Variants in SULF2 observed in about 807,000 individuals in gnomAD.
SULF2 encodes the protein sulfatase 2.
A neutral mutation model predicts 107.7 loss-of-function variants in SULF2; 52 were observed. The ratio of observed to expected loss-of-function variants is 0.48; its 90% confidence interval spans 0.39 to 0.61. The LOEUF is 0.61. Among genes scored for constraint, SULF2 ranks in the 20% least tolerant of loss-of-function variants. The pLI is 0.00. For missense variants in SULF2, 993 were observed against 1,177.3 expected (o/e 0.84, Z 2.29); for synonymous variants, 460 against 464.3 (o/e 0.99, Z 0.12).
chr20:47,696,714 C>G (rs1181784428), intron 4 of SULF2, among the ~76,000 whole-genome samples: 1 of 152,098 alleles, frequency 6.6e-6, no homozygotes, highest in Non-Finnish European at 1.5e-5. Flanking sequence ...TGCCCTTATA[C>G]AAGGTGGTCC....
chr20:47,765,356 A>C (rs112602595), intron 1 of SULF2, among the ~76,000 whole-genome samples: 3,952 of 133,536 alleles, frequency 0.03, 152 homozygotes, highest in African/African-American at 0.1. Flanking sequence ...TGCCTTAAAA[A>C]AAAACAAAAC....
At position 47,736,778 on chromosome 20, in the gene SULF2, A is replaced by T; in HGVS notation, c.340T>A (p.Ser114Thr). The change falls in exon 3 of 21, where the codon TCC becomes ACC. Residue 114 changes from serine to threonine, a missense_variant. By Grantham distance (58) the Ser-to-Thr change is moderately conservative. Coordinates refer to ENST00000688720, the MANE Select transcript of SULF2 (RefSeq NM_001387048.1). ...HNTYTNNENCSSPSWQAQHES... is the reference protein window; with the variant it reads ...HNTYTNNENCTSPSWQAQHES... Reference sequence around the variant, plus strand: ...TGCTGTGCCTGCCAGGAGGGCGAGGAGCAGTTCTCATTGTTGGTGTAGGTG... The same window carrying T: ...TGCTGTGCCTGCCAGGAGGGCGAGGTGCAGTTCTCATTGTTGGTGTAGGTG... 1 of 1,614,168 alleles carries T rather than the reference A, an allele frequency of 6.2e-7. No individual in the cohort carries two copies. Among genetic ancestry groups the T allele is most frequent in the Non-Finnish European group, 8.5e-7 (1 of 1,180,030 alleles).
chr20:47,675,986 G>A (rs994785508), intron 10 of SULF2, among the ~76,000 whole-genome samples: 4 of 152,152 alleles, frequency 2.6e-5, no homozygotes, highest in African/African-American at 9.7e-5. Flanking sequence ...TCCCGCCTCA[G>A]CTCTGGAGTA....
intron 1 of SULF2, among the ~76,000 whole-genome samples, chr20:47,767,219 G>T (rs2090544630): frequency 6.6e-6 from 1 of 152,202 alleles, no homozygotes; most frequent in South Asian, 2.1e-4. Context: ...CCTACAGAGT[G>T]GATGGTTTAA....
Position 47,745,434 on chromosome 20 carries a change from T to A in SULF2, c.176-8492A>T, listed in dbSNP as rs1202879955. Among the ~76,000 whole-genome samples, 5 of 9,174 alleles carry A rather than the reference T, an allele frequency of 5.5e-4. 1 individual carries two copies. The highest frequency in any genetic ancestry group is 5.2e-3 in the Admixed American group (3 of 574). 6.0% of individuals were successfully genotyped at this position (9,174 alleles called of 152,430 possible). A position where few individuals can be genotyped will look rare whatever the true frequency, so the allele number is the denominator to read the frequency against. ...AAATATATATATATATATATATATA[T>A]ATATATATATATATATATATATACA... On this transcript the variant is annotated intron_variant, in intron 2 of 20. Transcript: ENST00000688720.
chr20:47,692,082 AG>A (rs2088215874), intron 4 of SULF2, among the ~76,000 whole-genome samples: 1 of 152,192 alleles, frequency 6.6e-6, no homozygotes, highest in African/African-American at 2.4e-5. Flanking sequence ...TCCTGAATTT[AG>A]TAAATATTTA....
At chr20:47,661,111 G>A (rs1264787488) in intron 18 of SULF2, among the ~76,000 whole-genome samples, 1 of 151,942 alleles carries the variant, frequency 6.6e-6, no homozygotes, top group East Asian at 1.9e-4. Context: ...AAACTCTACC[G>A]TGGCCTAGGA....
At position 47,702,583 on chromosome 20, in the gene SULF2, C is replaced by G; in HGVS notation, c.503G>C (p.Arg168Pro). ...KEWVGLLKNSRFYNYTLCRNG... is the reference protein window; with the variant it reads ...KEWVGLLKNSPFYNYTLCRNG... Reference sequence around the variant, plus strand: ...CCGACACAGCGTGTAGTTATAAAAGCGGGAGTTTTTAAGGAGTCCGACCCA... The same window carrying G: ...CCGACACAGCGTGTAGTTATAAAAGGGGGAGTTTTTAAGGAGTCCGACCCA... Residue 168 changes from arginine to proline, a missense_variant, in exon 4 of 21, where the codon CGC (arginine) becomes CCC (proline). Arg to Pro is a moderately radical substitution (Grantham distance 103). This residue lies in a region of SULF2 where 388 missense variants were observed against 449.2 expected (regional missense o/e 0.86). Coordinates refer to ENST00000688720, the MANE Select transcript of SULF2 (RefSeq NM_001387048.1). 6.2e-7 allele frequency: 1 copy of G among 1,613,562 alleles called. No individual in the cohort carries two copies. Among genetic ancestry groups the G allele is most frequent in the Non-Finnish European group, 8.5e-7 (1 of 1,180,028 alleles).
rs530413346 is a variant in SULF2, at chr20:47,774,474, G to T, written c.-101+10869C>A. Among the ~76,000 whole-genome samples, 7 of 152,272 alleles carry T rather than the reference G, an allele frequency of 4.6e-5. No individual in the cohort carries two copies. The South Asian group carries it at 1.5e-3, about 32-fold the overall frequency. On this transcript the variant is annotated intron_variant, in intron 1 of 20. Coordinates refer to ENST00000688720, the MANE Select transcript of SULF2 (RefSeq NM_001387048.1). ...GCAAACTGCCCCTATCTTCTGGAGGGGGATATTGAGGCATGGCAGGGGTTC... is the reference window on the plus strand; with the variant it reads ...GCAAACTGCCCCTATCTTCTGGAGGTGGATATTGAGGCATGGCAGGGGTTC...
chr20:47,709,754 C>CTG (rs57995482), intron 3 of SULF2, among the ~76,000 whole-genome samples: 1,912 of 150,894 alleles, frequency 0.013, 21 homozygotes, highest in Non-Finnish European at 0.017. Flanking sequence ...AGGGAAGAGT[C>CTG]TGTGTGTGTG....
Position 47,672,404 on chromosome 20 carries a change from T to C in SULF2, c.1381-11A>G. 1.9e-6 allele frequency: 3 copies of C among 1,591,100 alleles called. No homozygotes were observed. Among genetic ancestry groups the C allele is most frequent in the East Asian group, 2.3e-5 (1 of 44,136 alleles). ...CACACACTGCCACTTCTGAAAGACA[T>C]GCCAGGGCCTCGGCCAGCTGCTCAT... is the stretch of plus-strand genomic sequence containing the variant. On this transcript the variant is annotated splice_polypyrimidine_tract_variant and intron_variant, in intron 10 of 20. Transcript: ENST00000688720.
rs1217983229 is a variant in SULF2 at position 47,663,566 on chromosome 20, T to C, written c.2114A>G (p.Lys705Arg). ...VWLLREQKRKKKLRKLLKRLQ... is the reference protein window; with the variant it reads ...VWLLREQKRKRKLRKLLKRLQ... ...GCGCTTGAGCAGCTTGCGGAGTTTC[T>C]TCTTGCGCTTCTGCTCCCGCAACAG... Residue 705 changes from lysine (K) to arginine (R), a missense_variant, in exon 16 of 21, where the codon AAG becomes AGG. This residue lies in a region of SULF2 where 497 missense variants were observed against 544.1 expected (regional missense o/e 0.91). Coordinates refer to ENST00000688720, the MANE Select transcript of SULF2 (RefSeq NM_001387048.1). The C allele has an allele frequency of 6.2e-7, 1 of 1,611,370 alleles. No homozygotes were observed. The highest frequency in any genetic ancestry group is 1.7e-5 in the Admixed American group (1 of 59,824).
rs577701438 is a variant in SULF2 at position 47,664,384 on chromosome 20, A to G, written c.1998-195T>C. Among the ~76,000 whole-genome samples, 10 of 152,354 alleles carry G rather than the reference A, an allele frequency of 6.6e-5. No homozygotes were observed. In the East Asian group the frequency reaches 1.7e-3, roughly 26 times the overall value. Reference sequence around the variant, plus strand: ...CCTGCCTGAGTGGCTTCTTTCTCCAAGCATGAGCCAGGACTCTGCCTGGAC... The same window carrying G: ...CCTGCCTGAGTGGCTTCTTTCTCCAGGCATGAGCCAGGACTCTGCCTGGAC... On this transcript the variant is annotated intron_variant, in intron 14 of 20. Coordinates refer to ENST00000688720, the MANE Select transcript of SULF2 (RefSeq NM_001387048.1).
At chr20:47,775,681 CCTAGCA>C (rs2090711888) in intron 1 of SULF2, among the ~76,000 whole-genome samples, 1 of 152,140 alleles carries the variant, frequency 6.6e-6, no homozygotes, top group Non-Finnish European at 1.5e-5. Flanking sequence ...AGCCAGTAAG[CCTAGCA>C]CAGATGGTAC....
At chr20:47,786,401 A>G (rs112839485), upstream of SULF2, 1 of 152,024 alleles carries the variant, frequency 6.6e-6, no homozygotes, top group Non-Finnish European at 1.5e-5. Context: ...ATCTGCTTTC[A>G]CAGGACTCGC....
intron 1 of SULF2, among the ~76,000 whole-genome samples, chr20:47,764,591 G>C (rs1027337937): frequency 6.6e-6 from 1 of 152,214 alleles, no homozygotes; most frequent in Non-Finnish European, 1.5e-5. Flanking sequence ...GAGTCCTGGA[G>C]GCTGGAGGAG....
chr20:47,678,884 G>A lies in SULF2; in HGVS notation c.1065-80C>T. The A allele has an allele frequency of 8.0e-7, 1 of 1,254,874 alleles. No individual in the cohort carries two copies. The highest frequency in any genetic ancestry group is 1.2e-5 in the South Asian group (1 of 80,526). 77.7% of individuals were successfully genotyped at this position (1,254,874 alleles called of 1,614,324 possible). On this transcript the variant is annotated intron_variant, in intron 7 of 20. Coordinates refer to ENST00000688720, the MANE Select transcript of SULF2 (RefSeq NM_001387048.1). The surrounding 1 kb of genome is among the most constrained non-coding windows in gnomAD (Gnocchi z 4.5). The stretch of plus-strand genomic sequence containing the variant: ...TCGCGTGGGGGGTGGGGAGCGGTAG[G>A]TGGGCAGCAGTTTGTGGGAGGCTGA...
chr20:47,696,306 A>G (rs1224044907), intron 4 of SULF2, among the ~76,000 whole-genome samples: 1 of 152,214 alleles, frequency 6.6e-6, no homozygotes, highest in African/African-American at 2.4e-5. Context: ...AGTGTTAGTC[A>G]TTATTCCTCA....
intron 2 of SULF2, among the ~76,000 whole-genome samples, chr20:47,745,395 AAAAAAAAAAAAAAAAATATAT>A (rs1246732026): frequency 0.012 from 268 of 22,248 alleles, 3 homozygotes; most frequent in Non-Finnish European, 0.014. Flanking sequence ...AAAAAAAAAA[AAAAAAAAAAAAAAAAATATAT>A]ATATATATAT....
Sources: gnomAD v4.1 joint callset for allele counts (sites outside exome capture counted in the v4.1 genomes callset) on GRCh38, gnomAD v4.1.1 for gene constraint, gnomAD v4.1.1 regional missense constraint, Gnocchi (gnomAD v3.1) non-coding constraint, MANE v1.5 for transcripts, NCBI Gene and HGNC (gene_info 2026-07-23, HGNC 2026-07-21) for gene names.